Variants in PRDM2 observed in about 807,000 individuals in gnomAD.
The protein encoded by PRDM2 is PR/SET domain 2, also known as PR domain zinc finger protein 2.
A neutral mutation model predicts 130.0 loss-of-function variants in PRDM2; 30 were observed. That is an observed-to-expected ratio of 0.23 (90% CI 0.17 to 0.31). PRDM2 has a LOEUF of 0.31. Ranked by LOEUF, PRDM2 falls within the 10% of genes least tolerant of loss-of-function variation. The probability of loss-of-function intolerance (pLI) is 1.00; values close to 1 mark genes in which losing one functional copy is unlikely to be tolerated. For synonymous variants in PRDM2, 871 were observed against 782.4 expected, an observed-to-expected ratio of 1.11 and a Z score of -1.89; for missense variants, 2,011 against 2,108.4, an observed-to-expected ratio of 0.95 and a Z score of 0.90.
In PRDM2 at chr1:13,731,083, G is replaced by C. The variant is rs184864123; in HGVS notation, c.93G>C (p.Arg31Ser). Residue 31 changes from arginine (R) to serine (S), a missense_variant, in exon 3 of 10, where the codon AGG becomes AGC. Physicochemically the swap from Arg to Ser is moderately radical, Grantham distance 110 (BLOSUM62 -1). This residue lies in a region of PRDM2 where 79 missense variants were observed against 93.6 expected (regional missense o/e 0.84). Coordinates refer to ENST00000311066, the MANE Select transcript of PRDM2 (RefSeq NM_001393986.1). ...HVLRGLPEEVRLFPSAVDKTR... is the reference protein window; with the variant it reads ...HVLRGLPEEVSLFPSAVDKTR... Reference sequence around the variant, plus strand: ...TGCGAGGACTTCCGGAGGAAGTGAGGCTTTTCCCTTCTGCTGTTGACAAGA... The same window carrying C: ...TGCGAGGACTTCCGGAGGAAGTGAGCCTTTTCCCTTCTGCTGTTGACAAGA... 11 of 1,612,968 alleles carry C rather than the reference G, an allele frequency of 6.8e-6. No homozygotes were observed. In the East Asian group the frequency reaches 1.6e-4, roughly 23 times the overall value.
rs1645041054 is a variant in PRDM2 at position 13,803,548 on chromosome 1, TC to T, written c.5037-12876del. Among the ~76,000 whole-genome samples, 1 of 151,756 alleles carries T rather than the reference TC, an allele frequency of 6.6e-6. No homozygotes were observed. The highest frequency in any genetic ancestry group is 1.5e-5 in the Non-Finnish European group (1 of 68,010). On this transcript the variant is annotated intron_variant, in intron 8 of 9. Coordinates refer to ENST00000311066, the MANE Select transcript of PRDM2 (RefSeq NM_001393986.1). This position sits in a 1 kb window ranked among gnomAD's most constrained non-coding sequence, Gnocchi z 6.2. The stretch of plus-strand genomic sequence containing the variant: ...GAGCCTAGTCCTGTCTCCTCACTGC[TC>T]CCAAGAACAACCTGGAGTATGACTG...
At chr1:13,707,000 G>A (rs981495176) in intron 1 of PRDM2, among the ~76,000 whole-genome samples, 4 of 151,546 alleles carry the variant, frequency 2.6e-5, no homozygotes, top group Admixed American at 6.6e-5. Context: ...TAAAATCTTC[G>A]GAGAAGACCT....
At chr1:13,793,080 C>T (rs1375207623) in intron 8 of PRDM2, among the ~76,000 whole-genome samples, 1 of 152,222 alleles carries the variant, frequency 6.6e-6, no homozygotes, top group Admixed American at 6.5e-5. Context: ...AGCAGTTTTA[C>T]TGCAGAGAGT....
intron 8 of PRDM2, among the ~76,000 whole-genome samples, chr1:13,809,645 C>T (rs1226534728): frequency 4.6e-5 from 7 of 152,096 alleles, no homozygotes; most frequent in Admixed American, 2.6e-4. Context: ...GCGTGGGTGC[C>T]GGTGAGTCAT....
chr1:13,805,100 T>C (rs1645067443), intron 8 of PRDM2, among the ~76,000 whole-genome samples: 1 of 152,146 alleles, frequency 6.6e-6, no homozygotes. Context: ...ACCAGGACCA[T>C]CACAGGCCCA....
chr1:13,797,166 A>G (rs1384559034), intron 8 of PRDM2, among the ~76,000 whole-genome samples: 2 of 152,172 alleles, frequency 1.3e-5, no homozygotes, highest in African/African-American at 2.4e-5. Context: ...CCTTTAGCAG[A>G]GATTGATGAC....
At chr1:13,745,081 G>A (rs1643562366) in intron 5 of PRDM2, among the ~76,000 whole-genome samples, 1 of 152,226 alleles carries the variant, frequency 6.6e-6, no homozygotes, top group South Asian at 2.1e-4. Flanking sequence ...TCTATTGAGA[G>A]TCTACTGTAT....
At chr1:13,774,922 C>T (rs2744696) in intron 7 of PRDM2, among the ~76,000 whole-genome samples, 25 of 150,032 alleles carry the variant, frequency 1.7e-4, no homozygotes, top group Admixed American at 1.3e-3. Flanking sequence ...GAGCCGAGAT[C>T]GTGCCACTGC....
chr1:13,724,884 GT>G (rs1642859035), intron 2 of PRDM2, among the ~76,000 whole-genome samples: 1 of 152,214 alleles, frequency 6.6e-6, no homozygotes, highest in African/African-American at 2.4e-5. Context: ...AACGCTTGTA[GT>G]TTTTAATGTT....
chr1:13,805,637 T>C (rs1327781296), intron 8 of PRDM2, among the ~76,000 whole-genome samples: 3 of 152,172 alleles, frequency 2.0e-5, no homozygotes, highest in Admixed American at 2.0e-4. Context: ...TCCCCTACCT[T>C]CAGCAAAAGT....
chr1:13,719,759 CA>C (rs1170929897), intron 2 of PRDM2, among the ~76,000 whole-genome samples: 3 of 148,462 alleles, frequency 2.0e-5, no homozygotes, highest in Non-Finnish European at 4.5e-5. Flanking sequence ...AATTTAATGC[CA>C]TTTCAGTAAA....
Position 13,715,527 on chromosome 1 carries a change from G to C in PRDM2, c.-65-14G>C. On this transcript the variant is annotated splice_polypyrimidine_tract_variant and intron_variant, in intron 1 of 9. Transcript: ENST00000311066. Reference sequence around the variant, plus strand: ...AGGCAGGTACATATTACAATTGTCTGTTTTTCTTTTTAGGGTTCATGTAAT... The same window carrying C: ...AGGCAGGTACATATTACAATTGTCTCTTTTTCTTTTTAGGGTTCATGTAAT... 7.6e-7 allele frequency: 1 copy of C among 1,313,298 alleles called. No homozygotes were observed. Among genetic ancestry groups the C allele is most frequent in the Non-Finnish European group, 1.0e-6 (1 of 959,448 alleles). 81.4% of individuals were successfully genotyped at this position (1,313,298 alleles called of 1,614,324 possible). A position where few individuals can be genotyped will look rare whatever the true frequency, so the allele number is the denominator to read the frequency against.
chr1:13,741,564 A>T (rs1350048532), intron 4 of PRDM2, among the ~76,000 whole-genome samples: 1 of 152,172 alleles, frequency 6.6e-6, no homozygotes, highest in East Asian at 1.9e-4. Flanking sequence ...TAGCAGAGCA[A>T]CCCAGAAAGC....
At chr1:13,769,490 G>A (rs923547406) in intron 6 of PRDM2, among the ~76,000 whole-genome samples, 6 of 152,096 alleles carry the variant, frequency 3.9e-5, no homozygotes, top group Non-Finnish European at 8.8e-5. Flanking sequence ...CTCTGGCGCT[G>A]GCCTTCACTT....
At chr1:13,748,151 C>T (rs1307979577) in intron 5 of PRDM2, among the ~76,000 whole-genome samples, 1 of 152,148 alleles carries the variant, frequency 6.6e-6, no homozygotes, top group Non-Finnish European at 1.5e-5. Flanking sequence ...TTCTGTGCAT[C>T]GTATCAGGAG....
In PRDM2 at chr1:13,771,106, A is replaced by G. The variant is rs1032116574; in HGVS notation, c.512-1972A>G. ...GGATCCCTGAAGAACCTTTGTCATT[A>G]TCTGATTTAGACAAAATGCTGTTAA... On this transcript the variant is annotated intron_variant, in intron 6 of 9. Coordinates refer to ENST00000311066, the MANE Select transcript of PRDM2 (RefSeq NM_001393986.1). This position sits in a 1 kb window ranked among gnomAD's most constrained non-coding sequence, Gnocchi z 4.1. Among the ~76,000 whole-genome samples the G allele has an allele frequency of 1.6e-4, 25 of 152,350 alleles. No homozygotes were observed. The highest frequency in any genetic ancestry group is 6.0e-4 in the African/African-American group (25 of 41,590).
chr1:13,718,586 T>G (rs930508572), intron 2 of PRDM2, among the ~76,000 whole-genome samples: 2 of 152,190 alleles, frequency 1.3e-5, no homozygotes, highest in African/African-American at 4.8e-5. Flanking sequence ...TTCTTTGCTT[T>G]CTTTCTCTTC....
chr1:13,782,373 C>G lies in PRDM2; in HGVS notation c.4578C>G (p.Ser1526Arg), dbSNP rs767900355. 8.1e-6 allele frequency: 13 copies of G among 1,613,988 alleles called. No homozygotes were observed. In the South Asian group the frequency reaches 1.4e-4, roughly 18 times the overall value. Residue 1526 changes from serine to arginine, a missense_variant, in exon 8 of 10, where the codon AGC becomes AGG. By Grantham distance (110) the Ser-to-Arg change is moderately radical. This residue lies in a region of PRDM2 where 410 missense variants were observed against 395.9 expected (regional missense o/e 1.04). Transcript: ENST00000311066. ...CGGATGCGGAGATTAAAATGCAAAG[C>G]ATGCAGACTCCGTTGGGCAAGACCA... ...RTADAEIKMQ[S>R]MQTPLGKTRA...
chr1:13,800,405 G>A (rs1419808298), intron 8 of PRDM2, among the ~76,000 whole-genome samples: 3 of 152,242 alleles, frequency 2.0e-5, no homozygotes, highest in African/African-American at 7.2e-5. Flanking sequence ...GAAGAAGACA[G>A]CTGGGAAGGG....
Sources: gnomAD v4.1 joint callset for allele counts (sites outside exome capture counted in the v4.1 genomes callset) on GRCh38, gnomAD v4.1.1 for gene constraint, gnomAD v4.1.1 regional missense constraint, Gnocchi (gnomAD v3.1) non-coding constraint, MANE v1.5 for transcripts, NCBI Gene and HGNC (gene_info 2026-07-23, HGNC 2026-07-21) for gene names.